IRAG1: variants seen among roughly 807,000 people sequenced by gnomAD.
The protein encoded by IRAG1 is inositol 1,4,5-triphosphate receptor associated 1, also known as IP3R-associated cGMP kinase substrate.
Under a neutral mutation model 106.2 loss-of-function variants are expected in IRAG1, and 62 were observed. That is an observed-to-expected ratio of 0.58 (90% CI 0.48 to 0.72). The LOEUF (loss-of-function observed/expected upper bound fraction) is 0.72. Ranked by LOEUF, IRAG1 falls within the 30% of genes least tolerant of loss-of-function variation. The pLI, the probability that IRAG1 is intolerant of heterozygous loss-of-function variation, is 0.00. For missense variants in IRAG1, 1,064 were observed against 1,140.7 expected (o/e 0.93, Z 0.97); for synonymous variants, 462 against 443.9 (o/e 1.04, Z -0.51).
intron 13 of IRAG1, among the ~76,000 whole-genome samples, chr11:10,604,123 C>T (rs1854279692): frequency 6.6e-6 from 1 of 152,182 alleles, no homozygotes; most frequent in Admixed American, 6.5e-5. Flanking sequence ...TGTGAACACG[C>T]TATCCCTGGC....
At chr11:10,625,022 T>C (rs1193545663) in intron 9 of IRAG1, among the ~76,000 whole-genome samples, 1 of 152,116 alleles carries the variant, frequency 6.6e-6, no homozygotes. Flanking sequence ...GTGTGTAAAA[T>C]GTTAACATCA....
At chr11:10,691,186 GC>G (rs1862029209) in intron 1 of IRAG1, among the ~76,000 whole-genome samples, 1 of 152,102 alleles carries the variant, frequency 6.6e-6, no homozygotes, top group Admixed American at 6.6e-5. Context: ...TCAACCCAGG[GC>G]CCTGTGTAAC....
chr11:10,631,446 C>A (rs1856681626), intron 4 of IRAG1, among the ~76,000 whole-genome samples: 1 of 152,238 alleles, frequency 6.6e-6, no homozygotes, highest in Non-Finnish European at 1.5e-5. Context: ...GAGACTCGGT[C>A]CCCTTCTTGC....
At chr11:10,619,406 A>G (rs1284367434) in intron 10 of IRAG1, among the ~76,000 whole-genome samples, 1 of 152,210 alleles carries the variant, frequency 6.6e-6, no homozygotes, top group African/African-American at 2.4e-5. Context: ...GCCTATAAAT[A>G]CAATCTGAGC....
chr11:10,598,314 G>A (rs543752184), intron 15 of IRAG1, among the ~76,000 whole-genome samples: 1 of 152,262 alleles, frequency 6.6e-6, no homozygotes, highest in East Asian at 1.9e-4. Context: ...TTTTCTTGTG[G>A]ATTCAGCTAT....
intron 2 of IRAG1, among the ~76,000 whole-genome samples, chr11:10,651,363 G>A (rs995493298): frequency 1.1e-4 from 17 of 152,218 alleles, no homozygotes; most frequent in Admixed American, 6.5e-4. Context: ...AGTAAAATGT[G>A]AAGAGCGAGT....
chr11:10,632,163 T>G, intron 3 of IRAG1, 102 bp from the exon 4 acceptor site: 1 of 817,456 alleles, frequency 1.2e-6, no homozygotes, highest in Non-Finnish European at 2.0e-6. Flanking sequence ...TCTTTCTTTC[T>G]TTGTTTCCTT....
chr11:10,693,531 C>T lies in IRAG1; in HGVS notation c.67+5G>A. The T allele has an allele frequency of 6.5e-7, 1 of 1,535,618 alleles. No homozygotes were observed. Among genetic ancestry groups the T allele is most frequent in the South Asian group, 1.2e-5 (1 of 84,060 alleles). ...AGGTTATTCTAGGATATAGGGGAGG[C>T]TTACCTAAAACTGAGTTATTCTCCT... On this transcript the variant is annotated splice_donor_5th_base_variant and intron_variant, in intron 1 of 20. Transcript: ENST00000423302.
intron 8 of IRAG1, among the ~76,000 whole-genome samples, chr11:10,627,451 C>T (rs971830697): frequency 2.0e-5 from 3 of 152,194 alleles, no homozygotes; most frequent in African/African-American, 7.2e-5. Flanking sequence ...TCCCCCTTGT[C>T]TCCAACCAGC....
At chr11:10,646,341 T>A (rs916052305) in intron 2 of IRAG1, among the ~76,000 whole-genome samples, 2 of 152,246 alleles carry the variant, frequency 1.3e-5, no homozygotes, top group African/African-American at 4.8e-5. Context: ...TCATCCATCA[T>A]ATCTACTATC....
intron 1 of IRAG1, among the ~76,000 whole-genome samples, chr11:10,682,857 A>C (rs16908184): frequency 1.3e-5 from 2 of 152,102 alleles, no homozygotes; most frequent in African/African-American, 4.8e-5. Context: ...TTTATACCCC[A>C]CAATCCTGTC....
At chr11:10,685,488 A>C (rs2135243975) in intron 1 of IRAG1, among the ~76,000 whole-genome samples, 1 of 152,140 alleles carries the variant, frequency 6.6e-6, no homozygotes, top group East Asian at 1.9e-4. Flanking sequence ...CTGAGGCAAG[A>C]GTATCACTTG....
At chr11:10,601,672 G>A (rs1245251639) in intron 14 of IRAG1, among the ~76,000 whole-genome samples, 1 of 152,178 alleles carries the variant, frequency 6.6e-6, no homozygotes, top group East Asian at 1.9e-4. Flanking sequence ...GCTAGACAAA[G>A]GAATTTGAAC....
intron 2 of IRAG1, among the ~76,000 whole-genome samples, chr11:10,648,939 G>A (rs895668029): frequency 1.3e-5 from 2 of 152,220 alleles, no homozygotes; most frequent in African/African-American, 2.4e-5. Context: ...TGGGACCTGA[G>A]GAATCACAAC....
intron 4 of IRAG1, 32 bp from the exon 5 acceptor site, chr11:10,629,743 C>G (rs776826252): frequency 6.2e-7 from 1 of 1,602,748 alleles, no homozygotes; most frequent in South Asian, 1.1e-5. Flanking sequence ...GGGTGAGAGC[C>G]ACTGCATCCG....
intron 10 of IRAG1, among the ~76,000 whole-genome samples, chr11:10,623,126 G>A (rs944744446): frequency 6.6e-6 from 1 of 152,186 alleles, no homozygotes; most frequent in African/African-American, 2.4e-5. Flanking sequence ...GTTCCAACTC[G>A]TGGTGGGGCT....
At position 10,657,543 on chromosome 11, in the gene IRAG1, GC is replaced by G. The variant is rs1391006217; in HGVS notation, c.68-5362del. Among the ~76,000 whole-genome samples, 1 of 152,228 alleles carries G rather than the reference GC, an allele frequency of 6.6e-6. No individual in the cohort carries two copies. The highest frequency in any genetic ancestry group is 6.5e-5 in the Admixed American group (1 of 15,292). The stretch of plus-strand genomic sequence containing the variant: ...TGAGCATTGAGGGAAGAGCCAAGAA[GC>G]CCTTTCGGGAAACCATGGGTTAACC... On this transcript the variant is annotated intron_variant, in intron 1 of 20. Coordinates refer to ENST00000423302, the MANE Select transcript of IRAG1 (RefSeq NM_130385.4). The surrounding 1 kb of genome is among the most constrained non-coding windows in gnomAD (Gnocchi z 4.1).
At chr11:10,681,565 T>C (rs916131539) in intron 1 of IRAG1, among the ~76,000 whole-genome samples, 1 of 152,132 alleles carries the variant, frequency 6.6e-6, no homozygotes, top group African/African-American at 2.4e-5. Flanking sequence ...GGCTCTATCA[T>C]GCAACTATTG....
At chr11:10,582,951 T>C (rs1564889323) in intron 18 of IRAG1, among the ~76,000 whole-genome samples, 1 of 151,888 alleles carries the variant, frequency 6.6e-6, no homozygotes, top group Non-Finnish European at 1.5e-5. Flanking sequence ...CAAAACTCAG[T>C]AAAAAAGCAG....
Sources: allele counts gnomAD v4.1 joint callset (sites outside exome capture counted in the v4.1 genomes callset), GRCh38; gene constraint gnomAD v4.1.1; non-coding constraint Gnocchi (gnomAD v3.1); transcripts MANE v1.5; gene names NCBI Gene and HGNC (gene_info 2026-07-23, HGNC 2026-07-21).